WWOX: variants seen among roughly 807,000 people sequenced by gnomAD.
The protein encoded by WWOX is WW domain-containing oxidoreductase.
In WWOX, 69 loss-of-function variants were observed where a neutral mutation model predicts 46.2. That is an observed-to-expected ratio of 1.49 (90% CI 1.23 to 1.82). WWOX has a LOEUF of 1.82. Among genes scored for constraint, WWOX ranks in the 40% most tolerant of loss-of-function variants. The probability of loss-of-function intolerance (pLI) is 0.00; values close to 1 mark genes in which losing one functional copy is unlikely to be tolerated. For missense variants in WWOX, 919 were observed against 542.6 expected (o/e 1.69, Z -6.89); for synonymous variants, 359 against 202.6 (o/e 1.77, Z -6.56).
At chr16:78,550,395 G>A (rs2738510) in intron 8 of WWOX, among the ~76,000 whole-genome samples, 98,343 of 152,120 alleles carry the variant, frequency 0.65, 33,946 homozygotes, top group East Asian at 0.81. Context: ...TAATCTATAA[G>A]CCAATGGGCA....
intron 8 of WWOX, among the ~76,000 whole-genome samples, chr16:79,160,578 T>A (rs1597432838): frequency 6.6e-6 from 1 of 152,218 alleles, no homozygotes; most frequent in Non-Finnish European, 1.5e-5. Flanking sequence ...GCATTATGGA[T>A]GCATTTTATT....
At chr16:78,687,558 A>G (rs1392597254) in intron 8 of WWOX, among the ~76,000 whole-genome samples, 1 of 151,778 alleles carries the variant, frequency 6.6e-6, no homozygotes, top group African/African-American at 2.4e-5. Flanking sequence ...ACGCAGACAT[A>G]TACTTTATGA....
chr16:79,091,008 A>G (rs1415137382), intron 8 of WWOX, among the ~76,000 whole-genome samples: 1 of 152,000 alleles, frequency 6.6e-6, no homozygotes, highest in Non-Finnish European at 1.5e-5. Context: ...GCCTGGTCTC[A>G]ACCTCCTGAC....
chr16:78,159,230 A>G (rs746234553), intron 4 of WWOX, among the ~76,000 whole-genome samples: 2 of 152,006 alleles, frequency 1.3e-5, no homozygotes, highest in Non-Finnish European at 2.9e-5. Flanking sequence ...GGCTGCTTCC[A>G]TGTCTTGGCT....
chr16:78,570,164 T>C (rs1015710292), intron 8 of WWOX, among the ~76,000 whole-genome samples: 2 of 152,236 alleles, frequency 1.3e-5, no homozygotes, highest in African/African-American at 4.8e-5. Context: ...TTTAGAAATT[T>C]AACTTTGCAA....
intron 8 of WWOX, among the ~76,000 whole-genome samples, chr16:78,578,776 G>C (rs769079583): frequency 3.0e-4 from 45 of 152,158 alleles, no homozygotes; most frequent in Non-Finnish European, 8.8e-5. Context: ...ATGGTTTTCT[G>C]AAAGCACGGT....
At chr16:79,012,699 G>T (rs150302596) in intron 8 of WWOX, among the ~76,000 whole-genome samples, 2,108 of 152,310 alleles carry the variant, frequency 0.014, 56 homozygotes, top group African/African-American at 0.048. Context: ...TATGGAAAGG[G>T]CTGGAAGTTC....
intron 8 of WWOX, among the ~76,000 whole-genome samples, chr16:78,678,691 T>A (rs1380865895): frequency 6.6e-6 from 1 of 152,096 alleles, no homozygotes; most frequent in Non-Finnish European, 1.5e-5. Flanking sequence ...GGGTCTGAGA[T>A]AAACCTAAAA....
chr16:78,252,924 A>G (rs1476538641), intron 5 of WWOX, among the ~76,000 whole-genome samples: 2 of 152,160 alleles, frequency 1.3e-5, no homozygotes, highest in Non-Finnish European at 2.9e-5. Flanking sequence ...AAATTACACC[A>G]TTTGTTTAAA....
intron 8 of WWOX, among the ~76,000 whole-genome samples, chr16:78,849,499 G>C (rs537337302): frequency 6.6e-6 from 1 of 150,886 alleles, no homozygotes; most frequent in African/African-American, 2.4e-5. Flanking sequence ...GCGTGAACCC[G>C]GGAGGCGGAG....
At chr16:78,383,687 T>A (rs1261084777) in intron 5 of WWOX, among the ~76,000 whole-genome samples, 2 of 152,174 alleles carry the variant, frequency 1.3e-5, no homozygotes, top group East Asian at 3.8e-4. Context: ...CACACCCTAA[T>A]TTAAAGGCTG....
chr16:78,411,767 A>C (rs1490283004), intron 6 of WWOX, among the ~76,000 whole-genome samples: 1 of 152,194 alleles, frequency 6.6e-6, no homozygotes. Flanking sequence ...CTACACCTAA[A>C]AGGAACAGAG....
chr16:78,731,397 A>C (rs2048965681), intron 8 of WWOX, among the ~76,000 whole-genome samples: 1 of 152,144 alleles, frequency 6.6e-6, no homozygotes, highest in Non-Finnish European at 1.5e-5. Context: ...CACTAATACT[A>C]CGGCTCCTTG....
intron 8 of WWOX, among the ~76,000 whole-genome samples, chr16:78,733,529 C>T (rs902683683): frequency 4.6e-5 from 7 of 151,178 alleles, no homozygotes; most frequent in African/African-American, 9.7e-5. Context: ...GGGCGGATCA[C>T]GAGGTCAGGA....
chr16:78,760,670 G>A (rs1415847974), intron 8 of WWOX, among the ~76,000 whole-genome samples: 1 of 152,148 alleles, frequency 6.6e-6, no homozygotes, highest in Non-Finnish European at 1.5e-5. Flanking sequence ...GCATCAGACG[G>A]CTTGTCTCAA....
chr16:78,562,584 C>T (rs1299867467), intron 8 of WWOX, among the ~76,000 whole-genome samples: 1 of 152,154 alleles, frequency 6.6e-6, no homozygotes, highest in Non-Finnish European at 1.5e-5. Flanking sequence ...CTGGGCTGAC[C>T]CTGCTGGGCC....
chr16:78,704,096 T>A (rs953065206), intron 8 of WWOX, among the ~76,000 whole-genome samples: 15 of 151,812 alleles, frequency 9.9e-5, no homozygotes, highest in Non-Finnish European at 2.1e-4. Context: ...TAGATGTTGT[T>A]CCACCCAGCA....
In WWOX at chr16:78,617,234, A is replaced by T. The variant is rs540957145; in HGVS notation, c.1056+184482A>T. On this transcript the variant is annotated intron_variant, in intron 8 of 8. Coordinates refer to ENST00000566780, the MANE Select transcript of WWOX (RefSeq NM_016373.4). ...GAAGACCAGCCTGGGCAACACGGTG[A>T]AACTAAGAATAGAAAATATTAGGTG... Among the ~76,000 whole-genome samples, 125 of 152,206 alleles carry T rather than the reference A, an allele frequency of 8.2e-4. 3 individuals carry two copies. In the South Asian group the frequency reaches 0.025, roughly 31 times the overall value.
intron 5 of WWOX, among the ~76,000 whole-genome samples, chr16:78,321,650 G>A (rs886169965): frequency 1.3e-5 from 2 of 151,986 alleles, no homozygotes; most frequent in Non-Finnish European, 2.9e-5. Context: ...TCATTTTCTT[G>A]AGTGGTACAC....
Sources: gnomAD v4.1 joint callset for allele counts (sites outside exome capture counted in the v4.1 genomes callset) on GRCh38, gnomAD v4.1.1 for gene constraint, MANE v1.5 for transcripts, NCBI Gene and HGNC (gene_info 2026-07-23, HGNC 2026-07-21) for gene names.